The following GPR179 variants were observed in gnomAD, a reference collection of about 807,000 sequenced individuals.
GPR179 encodes the protein G protein-coupled receptor 179.
GPR179 carries 52 observed loss-of-function variants against 70.8 expected under a neutral mutation model. That is an observed-to-expected ratio of 0.73 (90% confidence interval 0.59 to 0.93). The LOEUF (loss-of-function observed/expected upper bound fraction) is 0.93. GPR179 is among the 40% of genes least tolerant of loss of function. GPR179 has a pLI of 0.00. For synonymous variants in GPR179, 1,123 were observed against 1,169.0 expected (o/e 0.96, Z 0.80); for missense variants, 2,734 against 2,966.8 (o/e 0.92, Z 1.82).
chr17:38,342,103 C>T (rs571731006), intron 1 of GPR179, among the ~76,000 whole-genome samples: 96 of 151,532 alleles, frequency 6.3e-4, no homozygotes, highest in African/African-American at 2.2e-3. Flanking sequence ...GGCGACAGAG[C>T]GAGACTCTGT....
intron 2 of GPR179, among the ~76,000 whole-genome samples, chr17:38,337,962 C>A (rs937172484): frequency 1.3e-5 from 2 of 152,250 alleles, no homozygotes; most frequent in African/African-American, 4.8e-5. Flanking sequence ...AGGGAGAAAT[C>A]ACCCTTTTGT....
In GPR179 at chr17:38,335,145, G is replaced by C; in HGVS notation, c.1533C>G (p.Gly511=). The C allele has an allele frequency of 6.3e-7, 1 of 1,592,802 alleles. No homozygotes were observed. Among genetic ancestry groups the C allele is most frequent in the Middle Eastern group, 1.7e-4 (1 of 6,026 alleles). ...VLGFLAVWTV[G]ALERGIQHAP... ...CGTGCTGGATGCCTCGCTCCAGGGC[G>C]CCCACGGTCCACACAGCCAGGAAGC... is the stretch of plus-strand genomic sequence containing the variant. Residue 511 remains glycine (G), a synonymous_variant, in exon 7 of 11, where the codon GGC becomes GGG. Coordinates refer to ENST00000616987, the MANE Select transcript of GPR179 (RefSeq NM_001004334.4).
rs566498919 is a variant in GPR179, at chr17:38,335,421, A to AC, written c.1407-151dup. On this transcript the variant is annotated intron_variant, in intron 6 of 10. Coordinates refer to ENST00000616987, the MANE Select transcript of GPR179 (RefSeq NM_001004334.4). Reference sequence around the variant, plus strand: ...TTTTTGTGATTTGCTGCCTTTTGCTACCCCCCCACAAAGTAACATGGAAGA... The same window carrying AC: ...TTTTTGTGATTTGCTGCCTTTTGCTACCCCCCCCACAAAGTAACATGGAAGA... 3.3e-4 allele frequency: 262 copies of AC among 797,566 alleles called. 2 individuals are homozygous for AC. Among genetic ancestry groups the AC allele is most frequent in the African/African-American group, 3.3e-3 (189 of 57,932 alleles). 49.4% of individuals were successfully genotyped at this position (797,566 alleles called of 1,614,324 possible).
rs1352607677 is a variant in GPR179 at position 38,343,300 on chromosome 17, G to A, written c.490C>T (p.Leu164=). 1 of 1,614,058 alleles carries A rather than the reference G, an allele frequency of 6.2e-7. No homozygotes were observed. Among genetic ancestry groups the A allele is most frequent in the African/African-American group, 1.3e-5 (1 of 74,928 alleles). ...TCCTCCCCAGTCCGGGTGGCCTGCAGGGCCAGCTGTAGGTGGCTGGCCCCT... is the reference window on the plus strand; with the variant it reads ...TCCTCCCCAGTCCGGGTGGCCTGCAAGGCCAGCTGTAGGTGGCTGGCCCCT... The part of the protein sequence containing the change: ...PPGASHLQLA[L]QATRTGEETI... Residue 164 remains leucine (L), a synonymous_variant, in exon 1 of 11, where the codon CTG becomes TTG. Coordinates refer to ENST00000616987, the MANE Select transcript of GPR179 (RefSeq NM_001004334.4). The surrounding 1 kb of genome is among the most constrained non-coding windows in gnomAD (Gnocchi z 4.2).
rs1346664811 is a variant in GPR179, at chr17:38,334,699, C to T, written c.1784+5G>A. ...GGGGGTGTGGGGAGGTGAGTCCGTC[C>T]TCACCTGGCTGTGTGGAAGGCAGCG... On this transcript the variant is annotated splice_donor_5th_base_variant and intron_variant, in intron 8 of 10. Transcript: ENST00000616987. The surrounding 1 kb of genome is among the most constrained non-coding windows in gnomAD (Gnocchi z 4.7). 6.2e-7 allele frequency: 1 copy of T among 1,613,430 alleles called. No homozygotes were observed. The highest frequency in any genetic ancestry group is 8.5e-7 in the Non-Finnish European group (1 of 1,179,762).
Position 38,333,957 on chromosome 17 carries a change from C to T in GPR179, c.1866G>A (p.Thr622=), listed in dbSNP as rs377246896. ...CCTTAGGGATGAAGATCAGAGCCAG[C>T]GTGGTGGTGACTGTGCTGTGGGTGT... is the stretch of plus-strand genomic sequence containing the variant. The part of the protein sequence containing the change: ...FFHTHSTVTT[T]LALIFIPKFW... Residue 622 remains threonine (T), a synonymous_variant, in exon 9 of 11, where the codon ACG becomes ACA. Transcript: ENST00000616987. 6.8e-6 allele frequency: 11 copies of T among 1,613,216 alleles called. No homozygotes were observed. The highest frequency in any genetic ancestry group is 1.3e-5 in the African/African-American group (1 of 74,884).
rs184582763 is a variant in GPR179 at position 38,331,220 on chromosome 17, C to T, written c.2349G>A (p.Pro783=). The T allele has an allele frequency of 1.4e-5, 23 of 1,597,418 alleles. No homozygotes were observed. Among genetic ancestry groups the T allele is most frequent in the Admixed American group, 5.3e-5 (3 of 56,876 alleles). The change falls in exon 11 of 11, where the codon CCG becomes CCA. Residue 783 remains proline (P), a synonymous_variant. Transcript: ENST00000616987. ...TCCTCAGCAGTGAGTCAAGAAGAGGCGGGTCCTGCTCCCTGCGCTGGTCAT... is the reference window on the plus strand; with the variant it reads ...TCCTCAGCAGTGAGTCAAGAAGAGGTGGGTCCTGCTCCCTGCGCTGGTCAT... ...STYDQRREQD[P]PLLDSLLRRK...
Position 38,330,646 on chromosome 17 carries a change from C to G in GPR179, c.2923G>C (p.Ala975Pro), listed in dbSNP as rs754216240. Residue 975 changes from alanine to proline, a missense_variant, in exon 11 of 11, where the codon GCC (alanine) becomes CCC (proline). Coordinates refer to ENST00000616987, the MANE Select transcript of GPR179 (RefSeq NM_001004334.4). ...LPALAPTPAP[A>P]LAPVPVSPQS... Reference sequence around the variant, plus strand: ...GGGGATACTGGGACTGGTGCCAGGGCAGGGGCTGGGGTTGGAGCTAGAGCT... The same window carrying G: ...GGGGATACTGGGACTGGTGCCAGGGGAGGGGCTGGGGTTGGAGCTAGAGCT... 3.1e-6 allele frequency: 5 copies of G among 1,595,218 alleles called. No individual in the cohort carries two copies. In the African/African-American group the frequency reaches 5.4e-5, roughly 17 times the overall value.
Position 38,327,163 on chromosome 17 carries a change from C to T in GPR179, c.6406G>A (p.Gly2136Ser), listed in dbSNP as rs1485428307. Residue 2136 changes from glycine (G) to serine (S), a missense_variant, in exon 11 of 11, where the codon GGT (glycine) becomes AGT (serine). Transcript: ENST00000616987. Reference protein sequence around the residue: ...KKAEICPWEAGGGAAEEGEQE... With the variant: ...KKAEICPWEASGGAAEEGEQE... ...TCCCCTTCCTCTGCTGCTCCTCCAC[C>T]CGCCTCCCAAGGGCAGATCTCTGCT... 19 of 1,614,156 alleles carry T rather than the reference C, an allele frequency of 1.2e-5. No homozygotes were observed. The highest frequency in any genetic ancestry group is 2.7e-5 in the African/African-American group (2 of 74,962).
At chr17:38,339,919 C>A (rs2144277340) in intron 1 of GPR179, among the ~76,000 whole-genome samples, 1 of 152,336 alleles carries the variant, frequency 6.6e-6, no homozygotes, top group East Asian at 1.9e-4. Context: ...GTAAGTAGGT[C>A]ATATGACCCT....
chr17:38,335,689 T>A lies in GPR179; in HGVS notation c.1308A>T (p.Leu436=), dbSNP rs1047319098. ...FLLLYFPVFI[L]YFKPSVFRCI... is the part of the protein sequence containing the mutation. The stretch of plus-strand genomic sequence containing the variant: ...AGCGGAATACACTGGGCTTGAAGTA[T>A]AGGATGAAGACCTGGTGGGAAGGGG... Residue 436 remains leucine, a synonymous_variant, in exon 6 of 11, where the codon CTA becomes CTT. Transcript: ENST00000616987. The A allele has an allele frequency of 6.2e-7, 1 of 1,613,016 alleles. No individual in the cohort carries two copies. Among genetic ancestry groups the A allele is most frequent in the Non-Finnish European group, 8.5e-7 (1 of 1,179,118 alleles).
At chr17:38,332,122 G>A (rs1280604978) in intron 10 of GPR179, among the ~76,000 whole-genome samples, 1 of 152,130 alleles carries the variant, frequency 6.6e-6, no homozygotes, top group East Asian at 1.9e-4. Context: ...AGCTGGATTG[G>A]GGTCTCAGGA....
At position 38,331,531 on chromosome 17, in the gene GPR179, C is replaced by T; in HGVS notation, c.2038G>A (p.Asp680Asn). 1 of 1,597,478 alleles carries T rather than the reference C, an allele frequency of 6.3e-7. No homozygotes were observed. The change falls in exon 11 of 11, where the codon GAC becomes AAC. Residue 680 changes from aspartate (D) to asparagine (N), a missense_variant and splice_region_variant. Physicochemically the swap from Asp to Asn is conservative, Grantham distance 23 (BLOSUM62 1). Transcript: ENST00000616987. ...EHSLDPGDIR[D>N]ELKKLYAQLE... Reference sequence around the variant, plus strand: ...TGGGCATAGAGCTTCTTCAGCTCGTCCTGTGGGGCAGCAGGGAGGAAAGCA... The same window carrying T: ...TGGGCATAGAGCTTCTTCAGCTCGTTCTGTGGGGCAGCAGGGAGGAAAGCA...
At chr17:38,342,963 C>T (rs1053864334) in intron 1 of GPR179, 33 bp downstream of exon 1, 2 of 1,553,002 alleles carry the variant, frequency 1.3e-6, no homozygotes, top group Middle Eastern at 2.0e-4. Flanking sequence ...TACATCCCCA[C>T]ACATGCATCA....
At chr17:38,333,901 T>A (rs1567725117) in intron 9 of GPR179, 32 bp downstream of exon 9, 1 of 1,519,324 alleles carries the variant, frequency 6.6e-7, no homozygotes, top group Admixed American at 1.7e-5. Flanking sequence ...GGGGCTGGGG[T>A]CCACCTCACA....
rs750944225 is a variant in GPR179, at chr17:38,327,869, A to C, written c.5700T>G (p.Ser1900Arg). 1.9e-6 allele frequency: 3 copies of C among 1,614,004 alleles called. No homozygotes were observed. In the Admixed American group the frequency reaches 5.0e-5, roughly 27 times the overall value. Reference sequence around the variant, plus strand: ...CCAAGGAATGTCCCTCTGCCACTTCACTACTCATGCTGCTGGGCAAGTCTG... The same window carrying C: ...CCAAGGAATGTCCCTCTGCCACTTCCCTACTCATGCTGCTGGGCAAGTCTG... ...KISDLPSSMSSEVAEGHSLEA... is the reference protein window; with the variant it reads ...KISDLPSSMSREVAEGHSLEA... Residue 1900 changes from serine (S) to arginine (R), a missense_variant, in exon 11 of 11, where the codon AGT becomes AGG. Ser to Arg is a moderately radical substitution (Grantham distance 110). Coordinates refer to ENST00000616987, the MANE Select transcript of GPR179 (RefSeq NM_001004334.4).
At position 38,327,923 on chromosome 17, in the gene GPR179, C is replaced by T. The variant is rs2037305596; in HGVS notation, c.5646G>A (p.Arg1882=). Reference sequence around the variant, plus strand: ...TCTTGGGGGCCTGAGCAGGGGATTCCCTCAAGTCCTTGTTCTCCCAAATAC... The same window carrying T: ...TCTTGGGGGCCTGAGCAGGGGATTCTCTCAAGTCCTTGTTCTCCCAAATAC... ...TICIWENKDL[R]ESPAQAPKIS... Residue 1882 remains arginine (R), a synonymous_variant, in exon 11 of 11, where the codon AGG becomes AGA. Transcript: ENST00000616987. 6.2e-7 allele frequency: 1 copy of T among 1,614,058 alleles called. No individual in the cohort carries two copies. Among genetic ancestry groups the T allele is most frequent in the African/African-American group, 1.3e-5 (1 of 74,910 alleles).
intron 6 of GPR179, 147 bp from the exon 7 acceptor site, chr17:38,335,418 G>T: frequency 1.2e-6 from 1 of 805,924 alleles, no homozygotes; most frequent in Non-Finnish European, 2.0e-6. Context: ...GCTGCCTTTT[G>T]CTACCCCCCC....
chr17:38,330,753 G>A lies in GPR179; in HGVS notation c.2816C>T (p.Thr939Ile), dbSNP rs568924620. The A allele has an allele frequency of 2.5e-6, 4 of 1,588,694 alleles. No homozygotes were observed. In the East Asian group the frequency reaches 9.0e-5, roughly 36 times the overall value. ...GCCCCCAGACAGGGCCAAGATGGGG[G>A]TAGAAACCTGGTGCCTGATGGGTGG... is the stretch of plus-strand genomic sequence containing the variant. ...PHPPIRHQVS[T>I]PILALSGGLG... Residue 939 changes from threonine (T) to isoleucine (I), a missense_variant, in exon 11 of 11, where the codon ACC (threonine) becomes ATC (isoleucine). Physicochemically the swap from Thr to Ile is moderately conservative, Grantham distance 89. Coordinates refer to ENST00000616987, the MANE Select transcript of GPR179 (RefSeq NM_001004334.4).
Sources: gnomAD v4.1 joint callset for allele counts (sites outside exome capture counted in the v4.1 genomes callset) on GRCh38, gnomAD v4.1.1 for gene constraint, Gnocchi (gnomAD v3.1) non-coding constraint, MANE v1.5 for transcripts, NCBI Gene and HGNC (gene_info 2026-07-23, HGNC 2026-07-21) for gene names.